ZNG1F: variants seen among roughly 807,000 people sequenced by gnomAD.
ZNG1F encodes the protein zinc-regulated GTPase metalloprotein activator 1F.
chr9:41,203,307 C>T, the ZNG1F span, among the ~76,000 whole-genome samples: 1 of 152,168 alleles, frequency 6.6e-6, no homozygotes, highest in African/African-American at 2.4e-5. Context: ...GTTGATCATC[C>T]ATTATTCTTT....
At chr9:41,148,852 T>TG in the ZNG1F span, among the ~76,000 whole-genome samples, 9 of 101,632 alleles carry the variant, frequency 8.9e-5, no homozygotes, top group African/African-American at 3.3e-4. Flanking sequence ...AGACTGAAGG[T>TG]GGAAAAAAAA....
At chr9:41,202,682 C>CA in the ZNG1F span, among the ~76,000 whole-genome samples, 1 of 84,362 alleles carries the variant, frequency 1.2e-5, no homozygotes, top group African/African-American at 3.8e-5. Context: ...TTTTCTAACT[C>CA]ATTTTGAAAC....
chr9:41,141,459 C>CT, the ZNG1F span, among the ~76,000 whole-genome samples: 14 of 138,088 alleles, frequency 1.0e-4, no homozygotes, highest in South Asian at 7.4e-4. Context: ...CCATTTCAGA[C>CT]TTTTTTTTTC....
chr9:41,144,000 G>T, the ZNG1F span, among the ~76,000 whole-genome samples: 3 of 34,152 alleles, frequency 8.8e-5, 1 homozygote, highest in African/African-American at 1.8e-4. Flanking sequence ...CTGAATTATC[G>T]ATTTTTTTTT....
At chr9:41,165,197 C>T in the ZNG1F span, 43 of 950,746 alleles carry the variant, frequency 4.5e-5, 2 homozygotes, top group Admixed American at 6.3e-5. Context: ...ATAAAAACAC[C>T]TCATGTAGAT....
At chr9:41,137,026 T>C in the ZNG1F span, among the ~76,000 whole-genome samples, 3 of 96,986 alleles carry the variant, frequency 3.1e-5, no homozygotes, top group African/African-American at 1.2e-4. Flanking sequence ...ATCTTCTTTC[T>C]TCTGCTGGGT....
chr9:41,155,058 T>C, the ZNG1F span, among the ~76,000 whole-genome samples: 7 of 150,226 alleles, frequency 4.7e-5, 1 homozygote, highest in Admixed American at 4.7e-4. Context: ...ACCATCAGAG[T>C]GAACAGGCAA....
chr9:41,185,557 C>T, the ZNG1F span, among the ~76,000 whole-genome samples: 11 of 148,644 alleles, frequency 7.4e-5, no homozygotes, highest in East Asian at 2.0e-3. Context: ...CCTGTAGTCC[C>T]AGCTACTCGG....
At chr9:41,174,626 T>C in the ZNG1F span, among the ~76,000 whole-genome samples, 1 of 120,192 alleles carries the variant, frequency 8.3e-6, no homozygotes, top group South Asian at 3.0e-4. Context: ...ATCATTCTTC[T>C]ACCGATGCCA....
At chr9:41,152,441 A>G in the ZNG1F span, among the ~76,000 whole-genome samples, 7 of 146,888 alleles carry the variant, frequency 4.8e-5, no homozygotes, top group South Asian at 1.3e-3. Flanking sequence ...TAGACAGATC[A>G]ATGAGACAGA....
At chr9:41,193,001 G>T in the ZNG1F span, among the ~76,000 whole-genome samples, 1 of 151,816 alleles carries the variant, frequency 6.6e-6, no homozygotes, top group Non-Finnish European at 1.5e-5. Context: ...CTAAGCATCT[G>T]ATAGGCACTG....
the ZNG1F span, among the ~76,000 whole-genome samples, chr9:41,137,216 T>A: frequency 6.7e-6 from 1 of 150,280 alleles, no homozygotes; most frequent in Non-Finnish European, 1.5e-5. Flanking sequence ...TACATTTCCA[T>A]CTTGATTTCA....
the ZNG1F span, among the ~76,000 whole-genome samples, chr9:41,174,519 T>C: frequency 1.4e-5 from 2 of 139,786 alleles, no homozygotes; most frequent in South Asian, 2.3e-4. Context: ...AAGGGAATTA[T>C]AGTGATAGAA....
At chr9:41,132,239 A>T in the ZNG1F span, 1 of 1,603,218 alleles carries the variant, frequency 6.2e-7, no homozygotes, top group South Asian at 1.1e-5. Context: ...AATGAGGACC[A>T]ATCGATTTGT....
At chr9:41,152,355 G>T in the ZNG1F span, among the ~76,000 whole-genome samples, 2 of 149,604 alleles carry the variant, frequency 1.3e-5, no homozygotes, top group African/African-American at 4.9e-5. Flanking sequence ...CATAAAGCAA[G>T]TCCTTAGAGA....
At chr9:41,147,905 G>GA in the ZNG1F span, among the ~76,000 whole-genome samples, 2 of 135,050 alleles carry the variant, frequency 1.5e-5, no homozygotes, top group South Asian at 5.5e-4. Context: ...GTAAAAAGAA[G>GA]AAAAGGATCA....
chr9:41,152,307 C>A, the ZNG1F span, among the ~76,000 whole-genome samples: 12 of 148,594 alleles, frequency 8.1e-5, 1 homozygote, highest in African/African-American at 3.0e-4. Context: ...GCTAACTATC[C>A]TAAATATACA....
the ZNG1F span, among the ~76,000 whole-genome samples, chr9:41,204,434 A>T: frequency 3.2e-3 from 53 of 16,626 alleles, 2 homozygotes; most frequent in East Asian, 9.3e-3. Flanking sequence ...GTATAACCAC[A>T]ACCACAGATG....
chr9:41,183,585 C>A, the ZNG1F span: 8 of 1,596,464 alleles, frequency 5.0e-6, no homozygotes, highest in Non-Finnish European at 6.8e-6. Context: ...GCAGAGGCAA[C>A]CGTTTCTAAG....
Sources: gnomAD v4.1 joint callset for allele counts (sites outside exome capture counted in the v4.1 genomes callset) on GRCh38, gnomAD v4.1.1 for gene constraint, MANE v1.5 for transcripts, NCBI Gene and HGNC (gene_info 2026-07-23, HGNC 2026-07-21) for gene names.